NRXN1: variants seen among roughly 807,000 people sequenced by gnomAD.
NRXN1 encodes the protein neurexin 1.
A neutral mutation model predicts 150.9 loss-of-function variants in NRXN1; 39 were observed. The observed-to-expected ratio is 0.26, with a 90% confidence interval of 0.20 to 0.34. NRXN1 has a LOEUF of 0.34. Among genes scored for constraint, NRXN1 ranks in the 10% least tolerant of loss-of-function variants. The pLI is 1.00. For synonymous variants in NRXN1, 924 were observed against 757.0 expected (o/e 1.22, Z -3.62); for missense variants, 1,815 against 1,949.9 (o/e 0.93, Z 1.30).
intron 21 of NRXN1, among the ~76,000 whole-genome samples, chr2:50,035,027 T>A (rs1486314427): frequency 6.6e-6 from 1 of 152,114 alleles, no homozygotes; most frequent in East Asian, 1.9e-4. Context: ...TTATATTTCA[T>A]TCTTCCGTGT....
intron 21 of NRXN1, among the ~76,000 whole-genome samples, chr2:49,981,775 T>C (rs1680032127): frequency 6.6e-6 from 1 of 152,090 alleles, no homozygotes; most frequent in Non-Finnish European, 1.5e-5. Flanking sequence ...ACAGAAGATA[T>C]TTTCAAATGG....
intron 18 of NRXN1, among the ~76,000 whole-genome samples, chr2:50,150,812 C>G (rs150040403): frequency 5.3e-4 from 80 of 151,790 alleles, no homozygotes; most frequent in African/African-American, 1.9e-3. Flanking sequence ...CCATACACCC[C>G]TGGCCAGAGT....
intron 2 of NRXN1, among the ~76,000 whole-genome samples, chr2:51,021,639 A>G (rs2105283659): frequency 6.6e-6 from 1 of 152,148 alleles, no homozygotes. Context: ...TTTTAAAGCC[A>G]AATATATTAC....
At chr2:50,848,540 G>A (rs928467056) in intron 5 of NRXN1, among the ~76,000 whole-genome samples, 3 of 152,032 alleles carry the variant, frequency 2.0e-5, no homozygotes, top group African/African-American at 7.2e-5. Flanking sequence ...GAAGTTTGAA[G>A]GATTTCTAAG....
At chr2:50,497,033 T>C (rs1231733546) in intron 14 of NRXN1, among the ~76,000 whole-genome samples, 2 of 152,212 alleles carry the variant, frequency 1.3e-5, no homozygotes, top group Non-Finnish European at 2.9e-5. Flanking sequence ...GGAATTACAT[T>C]GTGCATAGTC....
At chr2:50,300,582 G>C (rs542570152) in intron 17 of NRXN1, among the ~76,000 whole-genome samples, 128 of 152,336 alleles carry the variant, frequency 8.4e-4, no homozygotes, top group Non-Finnish European at 1.3e-3. Flanking sequence ...TTGCAGCTAA[G>C]TGTGACCATG....
chr2:50,540,270 T>C (rs1558905797), intron 9 of NRXN1, among the ~76,000 whole-genome samples: 1 of 152,204 alleles, frequency 6.6e-6, no homozygotes, highest in Admixed American at 6.5e-5. Context: ...AAGGACAAAG[T>C]ATTCATTTTT....
chr2:50,408,837 A>ATATCTC, intron 17 of NRXN1, among the ~76,000 whole-genome samples: 1 of 136,652 alleles, frequency 7.3e-6, no homozygotes, highest in East Asian at 2.2e-4. Context: ...ATCAATCTCA[A>ATATCTC]TCTCTCTCTC....
At chr2:50,246,347 A>C (rs2066501694) in intron 17 of NRXN1, among the ~76,000 whole-genome samples, 1 of 152,028 alleles carries the variant, frequency 6.6e-6, no homozygotes, top group South Asian at 2.1e-4. Flanking sequence ...CAATGGAATT[A>C]AATCCTTAAT....
chr2:50,727,557 A>G (rs979051741), intron 5 of NRXN1, among the ~76,000 whole-genome samples: 2 of 152,168 alleles, frequency 1.3e-5, no homozygotes, highest in Non-Finnish European at 2.9e-5. Flanking sequence ...CAAAAGATCA[A>G]TCACTCTTTA....
rs1189466459 is a variant in NRXN1 at position 50,329,577 on chromosome 2, TAGTGTGTGTG to T, written c.3365-92617_3365-92608del. On this transcript the variant is annotated intron_variant, in intron 17 of 22. Coordinates refer to ENST00000401669, the MANE Select transcript of NRXN1 (RefSeq NM_001330078.2). Reference sequence around the variant, plus strand: ...TAGATTAAACTATCATATATAACAGTAGTGTGTGTGTGTGTGTGTGTGTGTGTGTGTGTGT... The same window carrying T: ...TAGATTAAACTATCATATATAACAGTTGTGTGTGTGTGTGTGTGTGTGTGT... 3.0e-3 allele frequency among the ~76,000 whole-genome samples: 165 copies of T among 55,356 alleles called. 1 individual carries two copies. The highest frequency in any genetic ancestry group is 0.014 in the African/African-American group (162 of 11,700). 36.3% of individuals were successfully genotyped at this position (55,356 alleles called of 152,430 possible). A position where few individuals can be genotyped will look rare whatever the true frequency, so the allele number is the denominator to read the frequency against.
chr2:50,895,462 T>C (rs1681778939), intron 5 of NRXN1, among the ~76,000 whole-genome samples: 1 of 152,146 alleles, frequency 6.6e-6, no homozygotes, highest in South Asian at 2.1e-4. Flanking sequence ...AGAGGCTGTA[T>C]CAGAGGTGGT....
intron 17 of NRXN1, among the ~76,000 whole-genome samples, chr2:50,350,462 G>A (rs767084655): frequency 1.6e-4 from 24 of 152,178 alleles, no homozygotes; most frequent in Non-Finnish European, 2.2e-4. Flanking sequence ...GAAGCCAATA[G>A]TCTTGTTCAA....
intron 8 of NRXN1, among the ~76,000 whole-genome samples, chr2:50,573,932 GTAAC>G (rs1441837770): frequency 6.6e-6 from 1 of 152,032 alleles, no homozygotes; most frequent in Non-Finnish European, 1.5e-5. Context: ...AGGGACCTGA[GTAAC>G]TACAAATTTT....
At chr2:50,863,044 A>G (rs1267841161) in intron 5 of NRXN1, among the ~76,000 whole-genome samples, 9 of 152,074 alleles carry the variant, frequency 5.9e-5, no homozygotes, top group Admixed American at 5.2e-4. Flanking sequence ...GAGAGGGAAT[A>G]TGAAGAAAAG....
intron 18 of NRXN1, among the ~76,000 whole-genome samples, chr2:50,148,622 G>C (rs1263605768): frequency 2.0e-5 from 3 of 151,658 alleles, no homozygotes; most frequent in African/African-American, 7.3e-5. Context: ...AAAGTTCCAA[G>C]TTTTGGCATA....
chr2:51,030,852 C>T (rs1392388273), intron 1 of NRXN1, among the ~76,000 whole-genome samples: 1 of 151,818 alleles, frequency 6.6e-6, no homozygotes, highest in African/African-American at 2.4e-5. Flanking sequence ...GCTTTGAACC[C>T]TTTCTCAAGC....
intron 17 of NRXN1, among the ~76,000 whole-genome samples, chr2:50,359,567 G>T (rs2079047733): frequency 6.6e-6 from 1 of 151,730 alleles, no homozygotes; most frequent in Admixed American, 6.6e-5. Flanking sequence ...AAAAAAGAAT[G>T]AAAAGGAACG....
intron 2 of NRXN1, among the ~76,000 whole-genome samples, chr2:50,981,236 C>T (rs1696737326): frequency 6.6e-6 from 1 of 151,782 alleles, no homozygotes; most frequent in Non-Finnish European, 1.5e-5. Flanking sequence ...GTGGGTGGAT[C>T]ACTTGAGGCC....
Sources: gnomAD v4.1 joint callset for allele counts (sites outside exome capture counted in the v4.1 genomes callset) on GRCh38, gnomAD v4.1.1 for gene constraint, MANE v1.5 for transcripts, NCBI Gene and HGNC (gene_info 2026-07-23, HGNC 2026-07-21) for gene names.